Variants in RTN4IP1 observed in about 807,000 individuals in gnomAD.
The protein encoded by RTN4IP1 is NAD(P)H oxidoreductase RTN4IP1, mitochondrial.
Under a neutral mutation model 46.6 loss-of-function variants are expected in RTN4IP1, and 32 were observed. That is an observed-to-expected ratio of 0.69 (90% confidence interval 0.52 to 0.92). The LOEUF is 0.92. Ranked by LOEUF, RTN4IP1 falls within the 40% of genes least tolerant of loss-of-function variation. The pLI is 0.00. For synonymous variants in RTN4IP1, 167 were observed against 161.8 expected (o/e 1.03, Z -0.24); for missense variants, 424 against 485.8 (o/e 0.87, Z 1.20).
At chr6:106,614,909 A>C (rs898963084) in intron 4 of RTN4IP1, among the ~76,000 whole-genome samples, 2 of 152,088 alleles carry the variant, frequency 1.3e-5, no homozygotes, top group Non-Finnish European at 2.9e-5. Context: ...ATAAAACACA[A>C]ATTTCCAGGA....
chr6:106,613,603 C>A (rs1346798434), intron 4 of RTN4IP1, among the ~76,000 whole-genome samples: 1 of 152,086 alleles, frequency 6.6e-6, no homozygotes, highest in Non-Finnish European at 1.5e-5. Flanking sequence ...AATCTGTAAA[C>A]CAAAAATAAA....
chr6:106,592,151 T>C lies in RTN4IP1; in HGVS notation c.806+13A>G. On this transcript the variant is annotated intron_variant, in intron 6 of 8. Transcript: ENST00000369063. ...GTTCCCACTCCCAGTGTGAACATTG[T>C]TCTAATACATACGGTTTTAAGGATT... 1 of 1,613,382 alleles carries C rather than the reference T, an allele frequency of 6.2e-7. No homozygotes were observed. The highest frequency in any genetic ancestry group is 1.3e-5 in the African/African-American group (1 of 74,988).
At position 106,592,315 on chromosome 6, in the gene RTN4IP1, A is replaced by G; in HGVS notation, c.670-15T>C. The G allele has an allele frequency of 1.3e-6, 2 of 1,599,996 alleles. No homozygotes were observed. Among genetic ancestry groups the G allele is most frequent in the East Asian group, 2.2e-5 (1 of 44,780 alleles). On this transcript the variant is annotated splice_polypyrimidine_tract_variant and intron_variant, in intron 5 of 8. Transcript: ENST00000369063. ...GCTTTCATTACCTGCCCCCCACCAA[A>G]AAGAAAAAAAGAATAAAAAAGGGAG...
Position 106,621,412 on chromosome 6 carries a change from G to A in RTN4IP1, c.495+13C>T, listed in dbSNP as rs766901519. 6.9e-6 allele frequency: 11 copies of A among 1,596,760 alleles called. No individual in the cohort carries two copies. The highest frequency in any genetic ancestry group is 9.4e-6 in the Non-Finnish European group (11 of 1,164,264). On this transcript the variant is annotated intron_variant, in intron 3 of 8. Coordinates refer to ENST00000369063, the MANE Select transcript of RTN4IP1 (RefSeq NM_032730.5). ...AAACTTTCTAATGCATTTCAGCAGAGTTGGTAAGTTACCTCATTCCCACTG... is the reference window on the plus strand; with the variant it reads ...AAACTTTCTAATGCATTTCAGCAGAATTGGTAAGTTACCTCATTCCCACTG...
At chr6:106,614,658 T>C (rs1336120243) in intron 4 of RTN4IP1, among the ~76,000 whole-genome samples, 1 of 152,120 alleles carries the variant, frequency 6.6e-6, no homozygotes. Context: ...CCTGAAACCA[T>C]ACGAAAAGTA....
chr6:106,621,608 G>A, intron 2 of RTN4IP1, 115 bp from the exon 3 acceptor site: 1 of 743,688 alleles, frequency 1.3e-6, no homozygotes, highest in South Asian at 1.5e-5. Flanking sequence ...ACAGAAGTCA[G>A]CACTACACCA....
At chr6:106,603,299 T>C (rs1379302503) in intron 4 of RTN4IP1, among the ~76,000 whole-genome samples, 1 of 152,240 alleles carries the variant, frequency 6.6e-6, no homozygotes, top group African/African-American at 2.4e-5. Context: ...TATGCTTAGC[T>C]GTTCTCTAAG....
intron 1 of RTN4IP1, among the ~76,000 whole-genome samples, chr6:106,623,327 C>T (rs1400066482): frequency 1.3e-5 from 2 of 152,060 alleles, no homozygotes; most frequent in East Asian, 3.9e-4. Flanking sequence ...AAAGTGGGAG[C>T]TAAATGATGA....
intron 7 of RTN4IP1, among the ~76,000 whole-genome samples, chr6:106,583,786 TTGAATAAAGC>T (rs1562133272): frequency 2.0e-5 from 3 of 152,178 alleles, no homozygotes; most frequent in African/African-American, 7.2e-5. Context: ...CTACTAAGGT[TTGAATAAAGC>T]CCAGAGGCAC....
chr6:106,600,285 G>C lies in RTN4IP1; in HGVS notation c.669+2589C>G, dbSNP rs191761693. On this transcript the variant is annotated intron_variant, in intron 5 of 8. Coordinates refer to ENST00000369063, the MANE Select transcript of RTN4IP1 (RefSeq NM_032730.5). ...GAATCTCTCCCCTCATCCTGAGAGA[G>C]TCTTAATCAAGCTCCCTCTTCTAGG... Among the ~76,000 whole-genome samples, 614 of 151,932 alleles carry C rather than the reference G, an allele frequency of 4.0e-3. 13 individuals carry two copies. The East Asian group carries it at 0.058, about 14-fold the overall frequency.
chr6:106,588,976 G>A (rs1386557108), intron 6 of RTN4IP1, among the ~76,000 whole-genome samples: 7 of 150,832 alleles, frequency 4.6e-5, no homozygotes, highest in Admixed American at 1.3e-4. Context: ...CAGATGTGGT[G>A]GCACATGCCT....
chr6:106,625,240 C>T (rs1776606293), intron 1 of RTN4IP1, among the ~76,000 whole-genome samples: 1 of 151,842 alleles, frequency 6.6e-6, no homozygotes, highest in African/African-American at 2.4e-5. Flanking sequence ...CCCTGCCCCA[C>T]AACGCATGCT....
At chr6:106,584,348 A>T (rs1054479526) in intron 7 of RTN4IP1, among the ~76,000 whole-genome samples, 6 of 152,198 alleles carry the variant, frequency 3.9e-5, no homozygotes, top group Non-Finnish European at 7.3e-5. Flanking sequence ...CCTTCATCAG[A>T]TGGGAGCAAT....
At chr6:106,578,507 GA>G in intron 8 of RTN4IP1, among the ~76,000 whole-genome samples, 1 of 152,322 alleles carries the variant, frequency 6.6e-6, no homozygotes, top group South Asian at 2.1e-4. Context: ...ATGAAAACAG[GA>G]ACTGTTTTTT....
intron 4 of RTN4IP1, among the ~76,000 whole-genome samples, chr6:106,618,264 C>T (rs908025546): frequency 2.7e-5 from 4 of 149,910 alleles, no homozygotes; most frequent in Non-Finnish European, 5.9e-5. Flanking sequence ...GTTATGTTAC[C>T]AACACAATCC....
intron 8 of RTN4IP1, among the ~76,000 whole-genome samples, chr6:106,575,401 C>T (rs528004653): frequency 6.6e-6 from 1 of 152,226 alleles, no homozygotes; most frequent in Non-Finnish European, 1.5e-5. Context: ...ATTTGGCACC[C>T]GCTGCCTGAC....
In RTN4IP1 at chr6:106,572,064, C is replaced by T; in HGVS notation, c.1123G>A (p.Val375Ile). 6.2e-7 allele frequency: 1 copy of T among 1,614,100 alleles called. No homozygotes were observed. Among genetic ancestry groups the T allele is most frequent in the Non-Finnish European group, 8.5e-7 (1 of 1,179,970 alleles). Residue 375 changes from valine (V) to isoleucine (I), a missense_variant, in exon 9 of 9, where the codon GTT becomes ATT. Transcript: ENST00000369063. ...VIEQTFPFSK[V>I]PEAFLKVERG... Reference sequence around the variant, plus strand: ...TCCACCTTCAGGAAGGCTTCTGGAACTTTAGAAAAAGGAAAGGTTTGTTCA... The same window carrying T: ...TCCACCTTCAGGAAGGCTTCTGGAATTTTAGAAAAAGGAAAGGTTTGTTCA...
At chr6:106,616,984 AC>A (rs1205142232) in intron 4 of RTN4IP1, among the ~76,000 whole-genome samples, 1 of 152,080 alleles carries the variant, frequency 6.6e-6, no homozygotes, top group Non-Finnish European at 1.5e-5. Context: ...TGCAAGCGGA[AC>A]CCTCATGAAT....
intron 4 of RTN4IP1, among the ~76,000 whole-genome samples, chr6:106,605,816 C>CAA (rs60568175): frequency 0.022 from 99 of 4,480 alleles, 9 homozygotes; most frequent in African/African-American, 0.034. Flanking sequence ...GACTCTGTCC[C>CAA]AAAAAAAAAA....
Sources: gnomAD v4.1 joint callset for allele counts (sites outside exome capture counted in the v4.1 genomes callset) on GRCh38, gnomAD v4.1.1 for gene constraint, MANE v1.5 for transcripts, NCBI Gene and HGNC (gene_info 2026-07-23, HGNC 2026-07-21) for gene names.